The following ANK2 variants were observed in gnomAD, a reference collection of about 807,000 sequenced individuals.
The protein encoded by ANK2 is ankyrin-2.
A neutral mutation model predicts 360.5 loss-of-function variants in ANK2; 83 were observed. The observed-to-expected ratio is 0.23, with a 90% CI of 0.19 to 0.28. The LOEUF is 0.28. ANK2 is among the 10% of genes least tolerant of loss of function. ANK2 has a pLI of 1.00. For missense variants in ANK2, 4,201 were observed against 4,795.7 expected, an observed-to-expected ratio of 0.88 and a Z score of 3.66; for synonymous variants, 1,740 against 1,759.5, an observed-to-expected ratio of 0.99 and a Z score of 0.28.
At chr4:113,278,656 G>A in intron 17 of ANK2, 98 bp downstream of exon 17, 1 of 1,205,692 alleles carries the variant, frequency 8.3e-7, no homozygotes, top group Non-Finnish European at 1.2e-6. Flanking sequence ...GTATAACTGC[G>A]ACTAGTCCTA....
At chr4:112,792,037 T>C in the ANK2 span, among the ~76,000 whole-genome samples, 3 of 132,464 alleles carry the variant, frequency 2.3e-5, no homozygotes, top group Non-Finnish European at 3.3e-5. Context: ...TCCTTTCTTT[T>C]TTTTTTTTTT....
chr4:113,113,290 A>G (rs568210791), intron 1 of ANK2, among the ~76,000 whole-genome samples: 2 of 151,946 alleles, frequency 1.3e-5, no homozygotes, highest in Admixed American at 6.6e-5. Context: ...GTGACGATAT[A>G]TGCTGTTCAA....
At chr4:113,349,719 A>G (rs2095272201) in intron 36 of ANK2, among the ~76,000 whole-genome samples, 1 of 152,100 alleles carries the variant, frequency 6.6e-6, no homozygotes, top group South Asian at 2.1e-4. Context: ...TTTTTCTCTT[A>G]GATAATTTTC....
At chr4:112,726,093 G>A in the ANK2 span, among the ~76,000 whole-genome samples, 1 of 152,090 alleles carries the variant, frequency 6.6e-6, no homozygotes, top group Non-Finnish European at 1.5e-5. Context: ...GAAGGAGGAA[G>A]CACACATCTG....
chr4:113,285,154 T>C (rs75798712), intron 18 of ANK2, among the ~76,000 whole-genome samples: 1 of 140,950 alleles, frequency 7.1e-6, no homozygotes, highest in Admixed American at 7.1e-5. Flanking sequence ...TTTTTTTTTT[T>C]CCAGAAACCT....
At chr4:113,310,311 T>C (rs1296229787) in intron 23 of ANK2, among the ~76,000 whole-genome samples, 1 of 152,072 alleles carries the variant, frequency 6.6e-6, no homozygotes, top group African/African-American at 2.4e-5. Flanking sequence ...GCAAACAGAC[T>C]CTGAGGAGGG....
At chr4:112,745,269 T>A in the ANK2 span, among the ~76,000 whole-genome samples, 1 of 152,314 alleles carries the variant, frequency 6.6e-6, no homozygotes, top group East Asian at 1.9e-4. Flanking sequence ...TATCATTCTT[T>A]TTTAAATCTA....
intron 10 of ANK2, among the ~76,000 whole-genome samples, chr4:113,253,206 C>T (rs1300174227): frequency 1.3e-5 from 2 of 152,184 alleles, no homozygotes; most frequent in Non-Finnish European, 2.9e-5. Context: ...CTTTCTGGGA[C>T]ATTACATTCT....
intron 1 of ANK2, among the ~76,000 whole-genome samples, chr4:113,150,589 G>C (rs1220250046): frequency 6.6e-6 from 1 of 152,142 alleles, no homozygotes; most frequent in African/African-American, 2.4e-5. Flanking sequence ...TGTAATCCAG[G>C]GATGGCCAAA....
intron 1 of ANK2, among the ~76,000 whole-genome samples, chr4:113,057,067 G>T (rs1035326480): frequency 3.9e-5 from 6 of 152,186 alleles, no homozygotes. Flanking sequence ...GGTTTGCTGA[G>T]TGTATAGCAC....
the ANK2 span, chr4:112,738,918 G>C: frequency 1.4e-6 from 1 of 696,752 alleles, no homozygotes; most frequent in South Asian, 1.3e-5. Context: ...CATGCTGCTA[G>C]TGGCTTCCGC....
intron 26 of ANK2, among the ~76,000 whole-genome samples, chr4:113,324,822 T>G (rs1017315738): frequency 6.6e-6 from 1 of 152,186 alleles, no homozygotes; most frequent in African/African-American, 2.4e-5. Flanking sequence ...TTCTTTCAAC[T>G]AACTCTGAAT....
In ANK2 at chr4:113,355,900, T is replaced by C. The variant is rs1204372364; in HGVS notation, c.7282T>C (p.Ser2428Pro). The change falls in exon 38 of 46, where the codon TCA becomes CCA. Residue 2428 changes from serine to proline, a missense_variant. Physicochemically the swap from Ser to Pro is moderately conservative, Grantham distance 74. This residue lies in a region of ANK2 where 2,642 missense variants were observed against 2,714.5 expected (regional missense o/e 0.97). Transcript: ENST00000357077. ...SEVLSAVADD[S>P]LAVSHKDSLE... Reference sequence around the variant, plus strand: ...AGTCCTCAGCGCTGTGGCTGATGACTCATTAGCAGTGAGCCACAAAGACTC... The same window carrying C: ...AGTCCTCAGCGCTGTGGCTGATGACCCATTAGCAGTGAGCCACAAAGACTC... The C allele has an allele frequency of 3.1e-6, 5 of 1,613,904 alleles. No individual in the cohort carries two copies. The Admixed American group carries it at 5.0e-5, about 16-fold the overall frequency.
intron 2 of ANK2, among the ~76,000 whole-genome samples, chr4:112,915,016 C>G (rs2089247328): frequency 6.6e-6 from 1 of 152,170 alleles, no homozygotes. Flanking sequence ...CTACTGCTTT[C>G]TCCTGAATAA....
intron 2 of ANK2, among the ~76,000 whole-genome samples, chr4:113,176,338 G>T (rs575242269): frequency 1.3e-5 from 2 of 152,172 alleles, no homozygotes; most frequent in Non-Finnish European, 2.9e-5. Flanking sequence ...AAAATCTCAA[G>T]AACTTTACAT....
At chr4:113,330,533 C>A in intron 27 of ANK2, 63 bp downstream of exon 27, 1 of 1,529,912 alleles carries the variant, frequency 6.5e-7, no homozygotes, top group Non-Finnish European at 9.0e-7. Context: ...TACATGAAAT[C>A]ACTAGGATGG....
intron 1 of ANK2, among the ~76,000 whole-genome samples, chr4:113,097,862 G>GTATATATATA (rs1212680888): frequency 2.0e-5 from 2 of 97,634 alleles, no homozygotes; most frequent in Admixed American, 8.8e-5. Context: ...GTGTGTGTGT[G>GTATATATATA]TGTGTATATA....
intron 2 of ANK2, among the ~76,000 whole-genome samples, chr4:112,983,749 T>C (rs1394356216): frequency 2.6e-5 from 4 of 152,216 alleles, no homozygotes; most frequent in African/African-American, 9.7e-5. Context: ...TTTTCTTTTC[T>C]CTTTCTCCAT....
intron 26 of ANK2, among the ~76,000 whole-genome samples, chr4:113,328,402 G>A (rs908409224): frequency 6.6e-6 from 1 of 151,894 alleles, no homozygotes. Context: ...ACTCAAATAA[G>A]AACAATAAAA....
Sources: allele counts gnomAD v4.1 joint callset (sites outside exome capture counted in the v4.1 genomes callset), GRCh38; gene constraint gnomAD v4.1.1; regional missense constraint gnomAD v4.1.1; transcripts MANE v1.5; gene names NCBI Gene and HGNC (gene_info 2026-07-23, HGNC 2026-07-21).